Variants in ODAD2 observed in about 807,000 individuals in gnomAD.
ODAD2 encodes the protein outer dynein arm docking complex subunit 2, also known as outer dynein arm-docking complex subunit 2.
A neutral mutation model predicts 106.8 loss-of-function variants in ODAD2; 89 were observed. The observed-to-expected ratio is 0.83, with a 90% CI of 0.70 to 0.99. The LOEUF (loss-of-function observed/expected upper bound fraction) is 0.99, where lower values mean the gene tolerates loss of function less well. Ranked by LOEUF, ODAD2 falls within the 50% of genes least tolerant of loss-of-function variation. The pLI is 0.00. For synonymous variants in ODAD2, 404 were observed against 436.2 expected (o/e 0.93, Z 0.92); for missense variants, 1,168 against 1,238.5 (o/e 0.94, Z 0.85).
intron 6 of ODAD2, among the ~76,000 whole-genome samples, chr10:27,982,869 T>G (rs1246100914): frequency 6.6e-6 from 1 of 152,226 alleles, no homozygotes; most frequent in Non-Finnish European, 1.5e-5. Context: ...CAGAACACTG[T>G]GTGCTGTTTA....
intron 19 of ODAD2, among the ~76,000 whole-genome samples, chr10:27,850,482 G>A (rs1318816425): frequency 6.6e-6 from 1 of 151,396 alleles, no homozygotes; most frequent in South Asian, 2.1e-4. Context: ...ACTTGAACGT[G>A]GGAGGCGGAG....
intron 6 of ODAD2, 21 bp downstream of exon 6, chr10:27,983,822 C>T (rs181108070): frequency 3.5e-4 from 570 of 1,610,736 alleles, no homozygotes; most frequent in Non-Finnish European, 4.5e-4. Context: ...GCTTTAGTTA[C>T]GTTTTTAAAA....
chr10:27,824,098 G>A (rs1274141150), intron 19 of ODAD2, among the ~76,000 whole-genome samples: 8 of 124,360 alleles, frequency 6.4e-5, no homozygotes, highest in East Asian at 2.3e-4. Context: ...CCGAGATTGC[G>A]CCACTGCACT....
chr10:27,896,606 T>A (rs1842869178), intron 17 of ODAD2, among the ~76,000 whole-genome samples: 1 of 152,196 alleles, frequency 6.6e-6, no homozygotes, highest in African/African-American at 2.4e-5. Context: ...GAATTAGGCA[T>A]TCTAGAACCA....
intron 5 of ODAD2, 100 bp downstream of exon 5, chr10:27,984,084 C>A: frequency 6.7e-7 from 1 of 1,483,306 alleles, no homozygotes; most frequent in Admixed American, 2.0e-5. Context: ...AAGCTTTCCC[C>A]TTCTTAAACC....
chr10:27,886,907 C>T (rs1842257233), intron 17 of ODAD2, among the ~76,000 whole-genome samples: 1 of 151,592 alleles, frequency 6.6e-6, no homozygotes, highest in South Asian at 2.1e-4. Context: ...CAAAATGTGT[C>T]ACTATAAAAA....
At chr10:27,833,888 C>T (rs755755936) in intron 19 of ODAD2, among the ~76,000 whole-genome samples, 5 of 152,166 alleles carry the variant, frequency 3.3e-5, no homozygotes, top group Non-Finnish European at 7.3e-5. Flanking sequence ...AATCTGAAAC[C>T]TGAAAGATGG....
At chr10:27,814,103 C>T (rs965312855) in intron 19 of ODAD2, among the ~76,000 whole-genome samples, 1 of 152,048 alleles carries the variant, frequency 6.6e-6, no homozygotes, top group Non-Finnish European at 1.5e-5. Context: ...ATTAGGCTCA[C>T]AGACAATTTG....
intron 17 of ODAD2, among the ~76,000 whole-genome samples, chr10:27,882,835 A>T (rs1028711892): frequency 2.0e-5 from 3 of 151,972 alleles, no homozygotes; most frequent in Admixed American, 2.0e-4. Context: ...CACCAATCAC[A>T]AGCCTTGTCT....
chr10:27,924,592 T>G (rs1357723553), intron 16 of ODAD2, among the ~76,000 whole-genome samples: 1 of 16,808 alleles, frequency 5.9e-5, no homozygotes, highest in Admixed American at 7.3e-4. Context: ...AGAGAAACCA[T>G]ACTAGCTAAA....
intron 12 of ODAD2, among the ~76,000 whole-genome samples, 192 bp downstream of exon 12, chr10:27,944,030 A>G (rs1846667811): frequency 1.3e-5 from 2 of 152,064 alleles, no homozygotes; most frequent in Admixed American, 6.6e-5. Flanking sequence ...GAGTTTGAAG[A>G]TGTTTTTGTT....
chr10:27,958,706 C>T, intron 10 of ODAD2: 1 of 429,160 alleles, frequency 2.3e-6, no homozygotes, highest in Admixed American at 4.6e-5. Flanking sequence ...CAGTTACTAA[C>T]TACTTTGTGC....
intron 3 of ODAD2, among the ~76,000 whole-genome samples, chr10:27,986,089 C>A (rs551545061): frequency 7.2e-5 from 11 of 152,256 alleles, no homozygotes; most frequent in African/African-American, 2.6e-4. Context: ...CATTAACATT[C>A]CCATGTGGTC....
At chr10:27,987,744 A>G (rs1220721233) in intron 2 of ODAD2, among the ~76,000 whole-genome samples, 1 of 151,984 alleles carries the variant, frequency 6.6e-6, no homozygotes, top group East Asian at 1.9e-4. Context: ...CAGCAAGCCT[A>G]GTGACCAATA....
intron 7 of ODAD2, among the ~76,000 whole-genome samples, chr10:27,974,294 T>G (rs1849046123): frequency 6.6e-6 from 1 of 152,204 alleles, no homozygotes; most frequent in African/African-American, 2.4e-5. Context: ...CACTTGTCAA[T>G]TTTTGCTTTT....
At chr10:27,882,981 G>C (rs1440924863) in intron 17 of ODAD2, among the ~76,000 whole-genome samples, 1 of 151,674 alleles carries the variant, frequency 6.6e-6, no homozygotes. Context: ...ATAAGAGGCT[G>C]GTCAAAAAAA....
chr10:27,885,696 A>ATATATATTATATAT (rs1842108537), intron 17 of ODAD2, among the ~76,000 whole-genome samples: 2 of 44,478 alleles, frequency 4.5e-5, no homozygotes, highest in Non-Finnish European at 7.6e-5. Flanking sequence ...ATAATATATA[A>ATATATATTATATAT]TATATATAAA....
chr10:27,849,286 G>C (rs1040009892), intron 19 of ODAD2, among the ~76,000 whole-genome samples: 1 of 151,676 alleles, frequency 6.6e-6, no homozygotes, highest in East Asian at 1.9e-4. Context: ...ATCATTCTCA[G>C]CAAACTAACA....
At chr10:27,885,549 A>T (rs764326909) in intron 17 of ODAD2, among the ~76,000 whole-genome samples, 92 of 14,774 alleles carry the variant, frequency 6.2e-3, no homozygotes, top group Admixed American at 8.4e-3. Context: ...TATATATATA[A>T]ATATATAAAT....
Sources: gnomAD v4.1 joint callset for allele counts (sites outside exome capture counted in the v4.1 genomes callset) on GRCh38, gnomAD v4.1.1 for gene constraint, MANE v1.5 for transcripts, NCBI Gene and HGNC (gene_info 2026-07-23, HGNC 2026-07-21) for gene names.